Variants in SCAI observed in about 807,000 individuals in gnomAD.
SCAI encodes the protein suppressor of cancer cell invasion.
Under a neutral mutation model 92.2 loss-of-function variants are expected in SCAI, and 24 were observed. The ratio of observed to expected loss-of-function variants is 0.26; its 90% CI spans 0.19 to 0.37. SCAI has a LOEUF of 0.37. Among genes scored for constraint, SCAI ranks in the 10% least tolerant of loss-of-function variants. The pLI, the probability that SCAI is intolerant of heterozygous loss-of-function variation, is 1.00. For synonymous variants in SCAI, 261 were observed against 258.6 expected, an observed-to-expected ratio of 1.01 and a Z score of -0.09; for missense variants, 450 against 736.2, an observed-to-expected ratio of 0.61 and a Z score of 4.50.
chr9:125,049,817 A>AT (rs1347556856), intron 3 of SCAI, among the ~76,000 whole-genome samples: 1 of 152,194 alleles, frequency 6.6e-6, no homozygotes, highest in Non-Finnish European at 1.5e-5. Flanking sequence ...ATGCACTGAA[A>AT]TGCCCTTTTT....
chr9:125,056,953 C>G (rs1361337550), intron 2 of SCAI, among the ~76,000 whole-genome samples: 1 of 152,150 alleles, frequency 6.6e-6, no homozygotes, highest in Non-Finnish European at 1.5e-5. Flanking sequence ...TATATTGAAA[C>G]TATCTCCACT....
rs760704139 is a variant in SCAI at position 125,091,769 on chromosome 9, G to A, written c.99-35762C>T. 1.3e-5 allele frequency among the ~76,000 whole-genome samples: 2 copies of A among 151,748 alleles called. No homozygotes were observed. Among genetic ancestry groups the A allele is most frequent in the Non-Finnish European group, 2.9e-5 (2 of 67,968 alleles). On this transcript the variant is annotated intron_variant, in intron 2 of 17. Coordinates refer to ENST00000336505, the MANE Select transcript of SCAI (RefSeq NM_001144877.3). The surrounding 1 kb of genome is among the most constrained non-coding windows in gnomAD (Gnocchi z 4.3). ...TCCTCAAACATCCAACATCTCATCCGCCATCCCCACTTTTCAGCTGATGGC... is the reference window on the plus strand; with the variant it reads ...TCCTCAAACATCCAACATCTCATCCACCATCCCCACTTTTCAGCTGATGGC...
intron 9 of SCAI, among the ~76,000 whole-genome samples, chr9:125,008,541 G>A (rs749974666): frequency 3.3e-5 from 5 of 152,084 alleles, no homozygotes; most frequent in Non-Finnish European, 7.4e-5. Context: ...CCAGAGCTAA[G>A]AAAGACAATA....
chr9:125,063,696 A>G (rs563141080), intron 2 of SCAI, among the ~76,000 whole-genome samples: 1 of 152,074 alleles, frequency 6.6e-6, no homozygotes, highest in African/African-American at 2.4e-5. Flanking sequence ...AAAAATCAAC[A>G]TAGATGAGAA....
chr9:125,020,622 C>A, intron 7 of SCAI, 51 bp downstream of exon 7: 1 of 754,968 alleles, frequency 1.3e-6, no homozygotes, highest in South Asian at 1.8e-5. Context: ...AAAATAAGAT[C>A]ATCCATATAC....
At chr9:125,137,207 C>G (rs1403539777) in intron 2 of SCAI, among the ~76,000 whole-genome samples, 1 of 152,170 alleles carries the variant, frequency 6.6e-6, no homozygotes, top group Admixed American at 6.5e-5. Flanking sequence ...CCCATAGGAC[C>G]TTTAAATACA....
intron 4 of SCAI, 141 bp from the exon 5 acceptor site, chr9:125,028,619 C>A: frequency 9.2e-6 from 4 of 434,714 alleles, no homozygotes; most frequent in Admixed American, 4.9e-5. Flanking sequence ...GTAGTCATTC[C>A]ATTAAATTTA....
At chr9:125,000,091 C>T (rs183935837) in intron 12 of SCAI, 101 bp from the exon 13 acceptor site, 6 of 533,862 alleles carry the variant, frequency 1.1e-5, no homozygotes, top group Admixed American at 6.2e-5. Context: ...TTGATTCAAG[C>T]GAAGATAATT....
intron 17 of SCAI, among the ~76,000 whole-genome samples, chr9:124,964,915 G>T (rs1831508693): frequency 6.6e-6 from 1 of 151,882 alleles, no homozygotes; most frequent in African/African-American, 2.4e-5. Flanking sequence ...AAGTGCATTT[G>T]CACAAAATAA....
chr9:125,035,425 G>A (rs1225882857), intron 3 of SCAI, among the ~76,000 whole-genome samples: 3 of 152,106 alleles, frequency 2.0e-5, no homozygotes, highest in African/African-American at 7.2e-5. Flanking sequence ...TAGTGGGAAT[G>A]AAAATTTACC....
rs1173481946 is a variant in SCAI at position 124,942,803 on chromosome 9, C to T, written c.*10004G>A. On this transcript the variant is annotated 3_prime_UTR_variant, in exon 18 of 18. Transcript: ENST00000336505. ...TTCTCTAATCTCGTTATTCAATAAA[C>T]ATCAAAACAACGTTTCAGTTTTCAT... 3.3e-5 allele frequency: 5 copies of T among 152,150 alleles called. No individual in the cohort carries two copies. Among genetic ancestry groups the T allele is most frequent in the African/African-American group, 1.2e-4 (5 of 41,426 alleles). 9.4% of individuals were successfully genotyped at this position (152,150 alleles called of 1,614,324 possible). A position where few individuals can be genotyped will look rare whatever the true frequency, so the allele number is the denominator to read the frequency against.
intron 2 of SCAI, among the ~76,000 whole-genome samples, chr9:125,103,956 A>G (rs1269247244): frequency 6.6e-6 from 1 of 152,194 alleles, no homozygotes. Context: ...ATTTTTAATG[A>G]CATCTAGGAA....
chr9:124,955,163 G>C (rs1161178045), intron 17 of SCAI, among the ~76,000 whole-genome samples: 1 of 138,868 alleles, frequency 7.2e-6, no homozygotes, highest in African/African-American at 2.7e-5. Context: ...GCGAGACTCC[G>C]TCTAAAAAAA....
At chr9:125,026,344 C>T (rs1832963505) in intron 6 of SCAI, among the ~76,000 whole-genome samples, 1 of 148,572 alleles carries the variant, frequency 6.7e-6, no homozygotes, top group Non-Finnish European at 1.5e-5. Context: ...CGCACCACTG[C>T]ACTCCAGCCT....
chr9:125,076,485 G>A (rs1834092790), intron 2 of SCAI, among the ~76,000 whole-genome samples: 2 of 151,930 alleles, frequency 1.3e-5, no homozygotes, highest in African/African-American at 2.4e-5. Context: ...GGCCACAGAG[G>A]GAGTGAGAAG....
chr9:125,027,013 C>A, intron 5 of SCAI, 103 bp from the exon 6 acceptor site: 2 of 434,182 alleles, frequency 4.6e-6, no homozygotes, highest in Admixed American at 3.8e-5. Context: ...GCACGGGGTG[C>A]GGGGGTGGGA....
chr9:125,036,887 A>G (rs537072848), intron 3 of SCAI, among the ~76,000 whole-genome samples: 1 of 152,366 alleles, frequency 6.6e-6, no homozygotes, highest in East Asian at 1.9e-4. Flanking sequence ...TGGGGAGGCT[A>G]AGGCGGGAAG....
intron 2 of SCAI, among the ~76,000 whole-genome samples, chr9:125,065,648 A>C (rs1210190376): frequency 6.6e-6 from 1 of 152,226 alleles, no homozygotes; most frequent in Non-Finnish European, 1.5e-5. Flanking sequence ...GCAAAATTAC[A>C]GGCCATTCTC....
At chr9:125,058,713 C>T (rs1055714296) in intron 2 of SCAI, among the ~76,000 whole-genome samples, 2 of 152,070 alleles carry the variant, frequency 1.3e-5, no homozygotes, top group Admixed American at 6.6e-5. Flanking sequence ...AACACTTGGC[C>T]CCTAATACCA....
Sources: gnomAD v4.1 joint callset for allele counts (sites outside exome capture counted in the v4.1 genomes callset) on GRCh38, gnomAD v4.1.1 for gene constraint, Gnocchi (gnomAD v3.1) non-coding constraint, MANE v1.5 for transcripts, NCBI Gene and HGNC (gene_info 2026-07-23, HGNC 2026-07-21) for gene names.